MYLK4: variants seen among roughly 807,000 people sequenced by gnomAD.
MYLK4 encodes caMLCK like.
A neutral mutation model predicts 48.1 loss-of-function variants in MYLK4; 46 were observed. That is an observed-to-expected ratio of 0.96 (90% CI 0.75 to 1.22). MYLK4 has a LOEUF of 1.22. MYLK4 is among the 50% of genes most tolerant of loss of function. The pLI is 0.00. For synonymous variants in MYLK4, 170 were observed against 180.8 expected (o/e 0.94, Z 0.48); for missense variants, 451 against 486.1 (o/e 0.93, Z 0.68).
At chr6:2,721,923 T>C (rs752550403) in intron 2 of MYLK4, among the ~76,000 whole-genome samples, 1 of 152,214 alleles carries the variant, frequency 6.6e-6, no homozygotes, top group Non-Finnish European at 1.5e-5. Context: ...ATTAAGACAC[T>C]TTCAGAAATG....
intron 2 of MYLK4, among the ~76,000 whole-genome samples, chr6:2,727,400 G>A (rs981403162): frequency 1.3e-5 from 2 of 152,300 alleles, no homozygotes; most frequent in Middle Eastern, 3.4e-3. Context: ...GCTAGAGGCC[G>A]AGGCACTGAA....
chr6:2,700,432 G>A (rs575667653), intron 2 of MYLK4, among the ~76,000 whole-genome samples: 7 of 152,208 alleles, frequency 4.6e-5, no homozygotes, highest in Non-Finnish European at 8.8e-5. Flanking sequence ...TGTCGCCTCC[G>A]GTCACTCTGG....
At chr6:2,724,032 AC>A (rs1217798735) in intron 2 of MYLK4, among the ~76,000 whole-genome samples, 1 of 151,934 alleles carries the variant, frequency 6.6e-6, no homozygotes, top group Admixed American at 6.6e-5. Context: ...GCGTGCCACT[AC>A]CACTGGGATA....
At chr6:2,679,131 G>A in intron 9 of MYLK4, 149 bp downstream of exon 9, 1 of 854,684 alleles carries the variant, frequency 1.2e-6, no homozygotes. Flanking sequence ...TCACCCACAG[G>A]AGTCAACAAA....
intron 2 of MYLK4, among the ~76,000 whole-genome samples, chr6:2,722,129 C>T (rs7772452): frequency 9.9e-5 from 15 of 152,116 alleles, no homozygotes; most frequent in Non-Finnish European, 1.8e-4. Context: ...CAGACTTAGA[C>T]GGCAACTACT....
At chr6:2,734,604 T>G (rs1428857633) in intron 2 of MYLK4, among the ~76,000 whole-genome samples, 1 of 152,174 alleles carries the variant, frequency 6.6e-6, no homozygotes, top group Non-Finnish European at 1.5e-5. Context: ...AAAGACTATA[T>G]ATATATATAA....
chr6:2,718,103 C>T (rs561303189), intron 2 of MYLK4, among the ~76,000 whole-genome samples: 6 of 151,132 alleles, frequency 4.0e-5, no homozygotes, highest in African/African-American at 1.5e-4. Flanking sequence ...TCATTTGAAC[C>T]TGGGAGGTGG....
intron 2 of MYLK4, among the ~76,000 whole-genome samples, chr6:2,724,201 T>C (rs1360952911): frequency 1.3e-5 from 2 of 152,156 alleles, no homozygotes; most frequent in African/African-American, 4.8e-5. Flanking sequence ...AAAGATGACC[T>C]TGTTTTCCCT....
At chr6:2,770,210 C>A in the MYLK4 span, 1 of 1,614,226 alleles carries the variant, frequency 6.2e-7, no homozygotes, top group Non-Finnish European at 8.5e-7. Context: ...CGCTGCTCTT[C>A]TGAGCCGCTG....
intron 2 of MYLK4, among the ~76,000 whole-genome samples, chr6:2,710,802 CTTTAAAGT>C (rs1447535544): frequency 6.6e-6 from 1 of 152,186 alleles, no homozygotes; most frequent in Non-Finnish European, 1.5e-5. Context: ...TTTCAGTGTT[CTTTAAAGT>C]TGGTGTTTAA....
rs550658912 is a variant in MYLK4 at position 2,672,002 on chromosome 6, G to A, written c.1120-654C>T. 6.6e-6 allele frequency among the ~76,000 whole-genome samples: 1 copy of A among 152,308 alleles called. No individual in the cohort carries two copies. Among genetic ancestry groups the A allele is most frequent in the East Asian group, 1.9e-4 (1 of 5,182 alleles). ...AACGCGTGAAGATTTTTTCAGTCAAGGTCTGAGCTGTAATTAAGGAACTAA... is the reference window on the plus strand; with the variant it reads ...AACGCGTGAAGATTTTTTCAGTCAAAGTCTGAGCTGTAATTAAGGAACTAA... On this transcript the variant is annotated intron_variant, in intron 11 of 12. Coordinates refer to ENST00000274643, the MANE Select transcript of MYLK4 (RefSeq NM_001012418.5). This position sits in a 1 kb window ranked among gnomAD's most constrained non-coding sequence, Gnocchi z 4.3.
chr6:2,751,602 A>T (rs964567864), upstream of MYLK4, among the ~76,000 whole-genome samples: 1 of 152,214 alleles, frequency 6.6e-6, no homozygotes, highest in East Asian at 1.9e-4. Flanking sequence ...TTGATTGCCC[A>T]GAGGCTGGAC....
intron 2 of MYLK4, among the ~76,000 whole-genome samples, chr6:2,747,591 G>A (rs77664542): frequency 0.01 from 1,531 of 152,238 alleles, 24 homozygotes; most frequent in African/African-American, 0.035. Context: ...CTGGCCTCCA[G>A]TGATTCTCTT....
chr6:2,713,094 G>T (rs534210747), intron 2 of MYLK4, among the ~76,000 whole-genome samples: 1 of 152,160 alleles, frequency 6.6e-6, no homozygotes. Flanking sequence ...ACATAGTCCC[G>T]GCATGGTGGC....
the MYLK4 span, among the ~76,000 whole-genome samples, chr6:2,762,992 A>C: frequency 6.6e-6 from 1 of 152,336 alleles, no homozygotes; most frequent in South Asian, 2.1e-4. Flanking sequence ...AAACACCCAC[A>C]CAAGCAAAAG....
chr6:2,761,350 C>A, the MYLK4 span, among the ~76,000 whole-genome samples: 1 of 151,980 alleles, frequency 6.6e-6, no homozygotes. Flanking sequence ...TTATACTATA[C>A]GAGTTTAAAT....
chr6:2,759,008 C>T, the MYLK4 span, among the ~76,000 whole-genome samples: 1 of 152,206 alleles, frequency 6.6e-6, no homozygotes, highest in South Asian at 2.1e-4. Context: ...TCTCCTGTTG[C>T]TCTATAGCTT....
At chr6:2,719,140 C>T (rs1282430328) in intron 2 of MYLK4, among the ~76,000 whole-genome samples, 4 of 152,140 alleles carry the variant, frequency 2.6e-5, no homozygotes, top group African/African-American at 4.8e-5. Flanking sequence ...GAACTCTCTA[C>T]AAAAGGCTCT....
rs1760699858 is a variant in MYLK4 at position 2,667,389 on chromosome 6, C to T, written c.*536G>A. ...TCCATTGTAGTCACGTGACCACAGA[C>T]CAAATCAAAATGACAGAGTCTGTGA... On this transcript the variant is annotated 3_prime_UTR_variant, in exon 13 of 13. Transcript: ENST00000274643. 6.6e-6 allele frequency: 1 copy of T among 152,136 alleles called. No homozygotes were observed. The highest frequency in any genetic ancestry group is 2.1e-4 in the South Asian group (1 of 4,822). The allele number at this position is 152,136 out of a possible 1,614,324, so 9.4% of individuals were successfully genotyped here.
Sources: allele counts gnomAD v4.1 joint callset (sites outside exome capture counted in the v4.1 genomes callset), GRCh38; gene constraint gnomAD v4.1.1; non-coding constraint Gnocchi (gnomAD v3.1); transcripts MANE v1.5; gene names NCBI Gene and HGNC (gene_info 2026-07-23, HGNC 2026-07-21).